The following NOA1 variants were observed in gnomAD, a reference collection of about 807,000 sequenced individuals.
NOA1 encodes nitric oxide associated 1, also known as nitric oxide-associated protein 1.
Under a neutral mutation model 58.4 loss-of-function variants are expected in NOA1, and 35 were observed. The ratio of observed to expected loss-of-function variants is 0.60; its 90% CI spans 0.46 to 0.79. NOA1 has a LOEUF of 0.79. Ranked by LOEUF, NOA1 falls within the 30% of genes least tolerant of loss-of-function variation. The probability of loss-of-function intolerance (pLI) is 0.00; values close to 1 mark genes in which losing one functional copy is unlikely to be tolerated. For synonymous variants in NOA1, 397 were observed against 373.4 expected (o/e 1.06, Z -0.73); for missense variants, 895 against 894.6 (o/e 1.00, Z -0.01).
intron 3 of NOA1, among the ~76,000 whole-genome samples, chr4:56,972,008 C>T (rs1369338790): frequency 6.6e-6 from 1 of 152,132 alleles, no homozygotes; most frequent in South Asian, 2.1e-4. Context: ...CCTGCCTCAG[C>T]CTCCCGAGTA....
rs1721757112 is a variant in NOA1 at position 56,968,465 on chromosome 4, C to T, written c.1566G>A (p.Gln522=). 2.5e-6 allele frequency: 4 copies of T among 1,611,680 alleles called. No individual in the cohort carries two copies. The highest frequency in any genetic ancestry group is 3.4e-5 in the Admixed American group (2 of 59,648). ...EKEVNIVLPT[Q]SIVPRTFVLK... ...GCACAAAAGTTCTTGGAACAATGGA[C>T]TGTGTTGGCAAAACAATATTTACTT... The change falls in exon 4 of 7, where the codon CAG becomes CAA. Residue 522 remains glutamine (Q), a synonymous_variant. Transcript: ENST00000264230.
intron 5 of NOA1, 138 bp downstream of exon 5, chr4:56,966,482 C>A: frequency 1.7e-6 from 1 of 591,692 alleles, no homozygotes; most frequent in Non-Finnish European, 3.0e-6. Flanking sequence ...CCAGAATTCT[C>A]AAAGAGAATG....
At position 56,968,423 on chromosome 4, in the gene NOA1, AACCATTCCTGGTTTAAGC is replaced by A. The variant is rs1323660580; in HGVS notation, c.1590_1607del (p.Lys532_Leu537del). The A allele has an allele frequency of 6.2e-7, 1 of 1,613,220 alleles. No homozygotes were observed. The highest frequency in any genetic ancestry group is 1.3e-5 in the African/African-American group (1 of 75,004). On this transcript the variant is annotated inframe_deletion, in exon 4 of 7. Transcript: ENST00000264230. ...TGCGGCCTATAGCACCCAAAAACAGAACCATTCCTGGTTTAAGCACAAAAGTTCTTGGAACAATGGACT... is the reference window on the plus strand; with the variant it reads ...TGCGGCCTATAGCACCCAAAAACAGAACAAAAGTTCTTGGAACAATGGACT...
intron 1 of NOA1, 79 bp downstream of exon 1, chr4:56,976,363 A>G: frequency 7.9e-7 from 1 of 1,265,202 alleles, no homozygotes; most frequent in Admixed American, 2.2e-5. Context: ...ACATTAAGGG[A>G]GGATGTACTC....
intron 5 of NOA1, among the ~76,000 whole-genome samples, chr4:56,965,915 C>T (rs1180332455): frequency 1.4e-5 from 2 of 146,990 alleles, no homozygotes; most frequent in South Asian, 4.3e-4. Flanking sequence ...TGGCTCACCA[C>T]AGCCTCATAC....
intron 3 of NOA1, among the ~76,000 whole-genome samples, chr4:56,969,478 AG>A: frequency 6.6e-6 from 1 of 152,164 alleles, no homozygotes; most frequent in Non-Finnish European, 1.5e-5. Context: ...AGGCTGAGGC[AG>A]GAGAATCACT....
At chr4:56,972,811 T>C (rs1703079633) in intron 3 of NOA1, among the ~76,000 whole-genome samples, 1 of 152,164 alleles carries the variant, frequency 6.6e-6, no homozygotes, top group Admixed American at 6.5e-5. Flanking sequence ...ATGAAGTCTA[T>C]CAAATGGAAC....
chr4:56,963,921 C>A (rs573857348), intron 6 of NOA1, among the ~76,000 whole-genome samples: 32 of 151,882 alleles, frequency 2.1e-4, no homozygotes, highest in African/African-American at 7.7e-4. Context: ...AAAAAGCATA[C>A]AATGCGTTTG....
chr4:56,965,152 A>G (rs565312043), intron 5 of NOA1, among the ~76,000 whole-genome samples: 21 of 152,118 alleles, frequency 1.4e-4, no homozygotes, highest in Admixed American at 1.3e-3. Context: ...GGCGCGCACC[A>G]CCATACCAGG....
At position 56,973,205 on chromosome 4, in the gene NOA1, T is replaced by C; in HGVS notation, c.1458A>G (p.Gln486=). Reference sequence around the variant, plus strand: ...AAAACCAGTGGGCATCTTTCACATCTTGTGCAGTCAATTCTACTTGTTTGG... The same window carrying C: ...AAAACCAGTGGGCATCTTTCACATCCTGTGCAGTCAATTCTACTTGTTTGG... The part of the protein sequence containing the change: ...KSTKQVELTA[Q]DVKDAHWFYD... The change falls in exon 3 of 7, where the codon CAA becomes CAG. Residue 486 remains glutamine (Q), a synonymous_variant. Coordinates refer to ENST00000264230, the MANE Select transcript of NOA1 (RefSeq NM_032313.4). The C allele has an allele frequency of 6.2e-7, 1 of 1,614,176 alleles. No individual in the cohort carries two copies. Among genetic ancestry groups the C allele is most frequent in the Non-Finnish European group, 8.5e-7 (1 of 1,180,032 alleles).
chr4:56,977,374 C>T lies in NOA1; in HGVS notation c.212G>A (p.Arg71His). Residue 71 changes from arginine (R) to histidine (H), a missense_variant, in exon 1 of 7, where the codon CGT becomes CAT. Transcript: ENST00000264230. ...GFGEGGDMQE[R>H]FLFPEYILDP... ...CAGGATGTACTCCGGGAACAGAAAA[C>T]GCTCCTGCATGTCACCACCTTCTCC... 2.5e-6 allele frequency: 4 copies of T among 1,614,208 alleles called. No homozygotes were observed. Among genetic ancestry groups the T allele is most frequent in the Non-Finnish European group, 3.4e-6 (4 of 1,180,034 alleles).
rs753827773 is a variant in NOA1 at position 56,977,182 on chromosome 4, G to A, written c.404C>T (p.Pro135Leu). Residue 135 changes from proline to leucine, a missense_variant, in exon 1 of 7, where the codon CCG becomes CTG. Pro to Leu is a moderately conservative substitution (Grantham distance 98). This residue lies in a region of NOA1 where 680 missense variants were observed against 656.5 expected (regional missense o/e 1.04). Coordinates refer to ENST00000264230, the MANE Select transcript of NOA1 (RefSeq NM_032313.4). ...PVVGHPDPALPPSGVNCSGCG... is the reference protein window; with the variant it reads ...PVVGHPDPALLPSGVNCSGCG... ...GCCCGAGCAGTTCACGCCGCTGGGC[G>A]GCAATGCCGGGTCCGGGTGCCCCAC... 86 of 1,562,832 alleles carry A rather than the reference G, an allele frequency of 5.5e-5. No homozygotes were observed. The highest frequency in any genetic ancestry group is 7.1e-5 in the Non-Finnish European group (82 of 1,157,942).
intron 5 of NOA1, among the ~76,000 whole-genome samples, chr4:56,965,893 G>A (rs1209337175): frequency 7.0e-6 from 1 of 143,460 alleles, no homozygotes; most frequent in Non-Finnish European, 1.5e-5. Context: ...CTAGAGTGCA[G>A]TGGCATAATC....
intron 3 of NOA1, among the ~76,000 whole-genome samples, chr4:56,968,821 A>G (rs907497375): frequency 6.6e-6 from 1 of 152,238 alleles, no homozygotes; most frequent in African/African-American, 2.4e-5. Flanking sequence ...ACCTGAAAAC[A>G]TGTTGATTCA....
chr4:56,969,439 G>A (rs1399281569), intron 3 of NOA1, among the ~76,000 whole-genome samples: 2 of 152,112 alleles, frequency 1.3e-5, no homozygotes, highest in Non-Finnish European at 2.9e-5. Context: ...GGGCGTGGTG[G>A]CGTGCACCTG....
In NOA1 at chr4:56,977,358, C is replaced by A; in HGVS notation, c.228G>T (p.Glu76Asp). ...GTTGCGGCTCCGGATCCAGGATGTA[C>A]TCCGGGAACAGAAAACGCTCCTGCA... is the stretch of plus-strand genomic sequence containing the variant. The part of the protein sequence containing the change: ...GDMQERFLFP[E>D]YILDPEPQPT... The change falls in exon 1 of 7, where the codon GAG becomes GAT. Residue 76 changes from glutamate (E) to aspartate (D), a missense_variant. Coordinates refer to ENST00000264230, the MANE Select transcript of NOA1 (RefSeq NM_032313.4). The A allele has an allele frequency of 6.2e-6, 10 of 1,614,212 alleles. No individual in the cohort carries two copies. Among genetic ancestry groups the A allele is most frequent in the Non-Finnish European group, 8.5e-6 (10 of 1,180,040 alleles).
intron 1 of NOA1, among the ~76,000 whole-genome samples, chr4:56,975,316 C>T (rs1343595542): frequency 1.3e-5 from 2 of 151,932 alleles, no homozygotes; most frequent in Non-Finnish European, 2.9e-5. Flanking sequence ...AGCCACTGAG[C>T]CCGGCAAAGC....
At chr4:56,964,216 C>T (rs1204934941) in intron 6 of NOA1, among the ~76,000 whole-genome samples, 190 bp downstream of exon 6, 6 of 152,002 alleles carry the variant, frequency 3.9e-5, no homozygotes, top group African/African-American at 4.8e-5. Flanking sequence ...TACAGGCATG[C>T]GCCACCATGC....
chr4:56,968,424 A>G lies in NOA1; in HGVS notation c.1607T>C (p.Val536Ala). The G allele has an allele frequency of 1.2e-6, 2 of 1,613,140 alleles. No homozygotes were observed. Among genetic ancestry groups the G allele is most frequent in the South Asian group, 1.1e-5 (1 of 90,604 alleles). ...GCGGCCTATAGCACCCAAAAACAGA[A>G]CCATTCCTGGTTTAAGCACAAAAGT... ...PRTFVLKPGM[V>A]LFLGAIGRID... Residue 536 changes from valine (V) to alanine (A), a missense_variant, in exon 4 of 7, where the codon GTT (valine) becomes GCT (alanine). Physicochemically the swap from Val to Ala is moderately conservative, Grantham distance 64. This residue lies in a region of NOA1 where 212 missense variants were observed against 221.3 expected (regional missense o/e 0.96). Coordinates refer to ENST00000264230, the MANE Select transcript of NOA1 (RefSeq NM_032313.4).
Sources: allele counts gnomAD v4.1 joint callset (sites outside exome capture counted in the v4.1 genomes callset), GRCh38; gene constraint gnomAD v4.1.1; regional missense constraint gnomAD v4.1.1; transcripts MANE v1.5; gene names NCBI Gene and HGNC (gene_info 2026-07-23, HGNC 2026-07-21).